The following MYO1F variants were observed in gnomAD, a reference collection of about 807,000 sequenced individuals.
MYO1F encodes the protein unconventional myosin-If.
MYO1F carries 60 observed loss-of-function variants against 146.6 expected under a neutral mutation model. That is an observed-to-expected ratio of 0.41 (90% CI 0.33 to 0.51). The LOEUF is 0.51. Ranked by LOEUF, MYO1F falls within the 20% of genes least tolerant of loss-of-function variation. The pLI, the probability that MYO1F is intolerant of heterozygous loss-of-function variation, is 0.25. For synonymous variants in MYO1F, 602 were observed against 602.1 expected (o/e 1.00, Z 0.00); for missense variants, 1,274 against 1,534.3 (o/e 0.83, Z 2.83).
At chr19:8,527,864 T>A (rs1327714096) in intron 21 of MYO1F, among the ~76,000 whole-genome samples, 1 of 152,124 alleles carries the variant, frequency 6.6e-6, no homozygotes, top group Non-Finnish European at 1.5e-5. Context: ...CTGTCCTCCT[T>A]GGCCTCCCAA....
chr19:8,540,913 T>G (rs1287901053), intron 15 of MYO1F, among the ~76,000 whole-genome samples: 1 of 152,064 alleles, frequency 6.6e-6, no homozygotes, highest in Non-Finnish European at 1.5e-5. Context: ...GTTCTAAACC[T>G]GATTGTTCAG....
chr19:8,547,997 A>G, intron 12 of MYO1F, 39 bp downstream of exon 12: 1 of 478,526 alleles, frequency 2.1e-6, no homozygotes, highest in Non-Finnish European at 3.6e-6. Flanking sequence ...CCCCACCCCC[A>G]CCCCAGGATC....
At chr19:8,571,754 C>T (rs1266489857) in intron 1 of MYO1F, among the ~76,000 whole-genome samples, 2 of 152,088 alleles carry the variant, frequency 1.3e-5, no homozygotes, top group African/African-American at 2.4e-5. Flanking sequence ...CCCGCCACCA[C>T]GCCTGGGTAA....
rs1183292416 is a variant in MYO1F, at chr19:8,574,530, CCTTTCTTT to C, written c.3+2769_3+2776del. On this transcript the variant is annotated intron_variant, in intron 1 of 27. Coordinates refer to ENST00000644032, the MANE Select transcript of MYO1F (RefSeq NM_012335.4). ...CTTTTCCTTTATTTCTTCTTTTTTC[CCTTTCTTT>C]CTTTCTTTCTTTCTTTCTTTCTTTC... Among the ~76,000 whole-genome samples, 29 of 119,100 alleles carry C rather than the reference CCTTTCTTT, an allele frequency of 2.4e-4. 1 individual carries two copies. Among genetic ancestry groups the C allele is most frequent in the African/African-American group, 5.5e-4 (17 of 30,802 alleles). 78.1% of individuals were successfully genotyped at this position (119,100 alleles called of 152,430 possible). A position where few individuals can be genotyped will look rare whatever the true frequency, so the allele number is the denominator to read the frequency against.
At chr19:8,546,827 C>A (rs1298132450) in intron 12 of MYO1F, among the ~76,000 whole-genome samples, 1 of 152,020 alleles carries the variant, frequency 6.6e-6, no homozygotes, top group African/African-American at 2.4e-5. Flanking sequence ...TACAGGTGCC[C>A]AGCACCACAC....
rs771174643 is a variant in MYO1F at position 8,554,717 on chromosome 19, A to G, written c.168T>C (p.Ser56=). The change falls in exon 3 of 28, where the codon TCT becomes TCC. Residue 56 remains serine, a synonymous_variant. Transcript: ENST00000644032. ...IFTYIGSVLI[S]VNPFKQMPYF... ...AGGGCATCTGCTTGAAGGGGTTTAC[A>G]GAGATGAGCACAGAGCCGATGTAGG... 5.6e-6 allele frequency: 9 copies of G among 1,613,960 alleles called. No individual in the cohort carries two copies. In the East Asian group the frequency reaches 1.6e-4, roughly 28 times the overall value.
In MYO1F at chr19:8,530,647, C is replaced by T. The variant is rs550394570; in HGVS notation, c.2044-74G>A. The T allele has an allele frequency of 9.8e-4, 1,168 of 1,190,102 alleles. 1 individual carries two copies. The highest frequency in any genetic ancestry group is 1.8e-3 in the Admixed American group (108 of 59,118). The allele number at this position is 1,190,102 out of a possible 1,614,324, so 73.7% of individuals were successfully genotyped here. The stretch of plus-strand genomic sequence containing the variant: ...GGGCTGCAGTTCCGGGTTTTCCCTG[C>T]GCTCACCCTACTCACACGCTTTTGC... On this transcript the variant is annotated intron_variant, in intron 19 of 27. Coordinates refer to ENST00000644032, the MANE Select transcript of MYO1F (RefSeq NM_012335.4). The surrounding 1 kb of genome is among the most constrained non-coding windows in gnomAD (Gnocchi z 5.8).
Position 8,575,326 on chromosome 19 carries a change from C to T in MYO1F, c.3+1981G>A, listed in dbSNP as rs552727051. On this transcript the variant is annotated intron_variant, in intron 1 of 27. Transcript: ENST00000644032. ...TCTTGACTTCGTGATCTGCCCGCCT[C>T]GGCCTCCCAAAGTGCTAGGATTACA... 7.2e-5 allele frequency among the ~76,000 whole-genome samples: 11 copies of T among 152,132 alleles called. No homozygotes were observed. In the East Asian group the frequency reaches 1.4e-3, roughly 19 times the overall value.
In MYO1F at chr19:8,574,637, CTTT is replaced by C. The variant is rs2042194496; in HGVS notation, c.3+2667_3+2669del. 5.8e-4 allele frequency among the ~76,000 whole-genome samples: 26 copies of C among 44,668 alleles called. No individual in the cohort carries two copies. The South Asian group carries it at 8.3e-3, about 14-fold the overall frequency. The allele number at this position is 44,668 out of a possible 152,430, so 29.3% of individuals were successfully genotyped here. ...TCTTTCTTTCTTTCTTTCTTTCTTTCTTTCTTTCCTTTCTTTCTCTTTCTTCTT... is the reference window on the plus strand; with the variant it reads ...TCTTTCTTTCTTTCTTTCTTTCTTTCCTTTCCTTTCTTTCTCTTTCTTCTT... On this transcript the variant is annotated intron_variant, in intron 1 of 27. Transcript: ENST00000644032.
At chr19:8,522,091 C>CGGT (rs1972081098) in intron 27 of MYO1F, among the ~76,000 whole-genome samples, 1 of 150,282 alleles carries the variant, frequency 6.7e-6, no homozygotes, top group Non-Finnish European at 1.5e-5. Flanking sequence ...GGCGCAATCT[C>CGGT]GGCTCACTGC....
chr19:8,560,933 T>C (rs1974071726), intron 1 of MYO1F, among the ~76,000 whole-genome samples: 1 of 151,930 alleles, frequency 6.6e-6, no homozygotes, highest in South Asian at 2.1e-4. Flanking sequence ...GAGACGGGGT[T>C]TCACTGTATT....
chr19:8,541,423 GTGTT>G (rs1972961695), intron 15 of MYO1F, among the ~76,000 whole-genome samples: 2 of 123,216 alleles, frequency 1.6e-5, no homozygotes, highest in African/African-American at 3.4e-5. Flanking sequence ...GTGTGTGTGT[GTGTT>G]TTTTTTTTTT....
At chr19:8,536,162 CCTCT>C in intron 19 of MYO1F, 86 bp downstream of exon 19, 2 of 1,436,568 alleles carry the variant, frequency 1.4e-6, no homozygotes, top group Non-Finnish European at 1.9e-6. Context: ...TCTCTGTCTC[CCTCT>C]GTCTCTCTCT....
chr19:8,548,163 T>G (rs757673536), intron 11 of MYO1F, 41 bp from the exon 12 acceptor site: 1 of 1,613,462 alleles, frequency 6.2e-7, no homozygotes, highest in Admixed American at 1.7e-5. Context: ...AATGTCCTGG[T>G]GCTGGAAGTT....
rs375477482 is a variant in MYO1F at position 8,550,320 on chromosome 19, C to A, written c.941G>T (p.Ser314Ile). The A allele has an allele frequency of 3.7e-6, 6 of 1,613,762 alleles. No individual in the cohort carries two copies. The highest frequency in any genetic ancestry group is 4.2e-6 in the Non-Finnish European group (5 of 1,179,882). ...GGTCAGCTTCTCCTGCAGTCGCCCG[C>A]TGTCAATGCCCAGCAGGTAGGCGGG... ...AFPAYLLGID[S>I]GRLQEKLTSR... The change falls in exon 10 of 28, where the codon AGC (serine) becomes ATC (isoleucine). Residue 314 changes from serine to isoleucine, a missense_variant. Around this residue, in one of 2 missense-constraint regions of MYO1F, gnomAD observed 900 missense variants for 1,155.1 expected, o/e 0.78. Coordinates refer to ENST00000644032, the MANE Select transcript of MYO1F (RefSeq NM_012335.4).
In MYO1F at chr19:8,521,602, G is replaced by C. The variant is rs764738737; in HGVS notation, c.3223C>G (p.Pro1075Ala). The change falls in exon 28 of 28, where the codon CCC (proline) becomes GCC (alanine). Residue 1075 changes from proline to alanine, a missense_variant and splice_region_variant. Coordinates refer to ENST00000644032, the MANE Select transcript of MYO1F (RefSeq NM_012335.4). ...NEVIEILMED[P>A]SGWWKGRLHG... is the part of the protein sequence containing the mutation. ...AGCCGGCCCTTCCACCAGCCCGAGG[G>C]ATCTGTGGGAGAGAGGAAAGCTTGA... 2.5e-5 allele frequency: 40 copies of C among 1,613,916 alleles called. No individual in the cohort carries two copies. In the South Asian group the frequency reaches 4.2e-4, roughly 17 times the overall value.
intron 21 of MYO1F, among the ~76,000 whole-genome samples, chr19:8,528,678 C>G (rs922712020): frequency 6.6e-6 from 1 of 152,190 alleles, no homozygotes; most frequent in Admixed American, 6.5e-5. Flanking sequence ...AGGTAAGGCA[C>G]CTGCTGGACA....
chr19:8,544,073 C>T, intron 14 of MYO1F: 1 of 441,820 alleles, frequency 2.3e-6, no homozygotes, highest in Non-Finnish European at 4.0e-6. Flanking sequence ...TGGTGGTGTC[C>T]AGACAAGTTT....
intron 21 of MYO1F, among the ~76,000 whole-genome samples, chr19:8,527,820 C>G (rs1455750411): frequency 6.6e-6 from 1 of 152,186 alleles, no homozygotes; most frequent in East Asian, 1.9e-4. Flanking sequence ...GCCCTGTTGC[C>G]CAGGCTGGTC....
Sources: gnomAD v4.1 joint callset for allele counts (sites outside exome capture counted in the v4.1 genomes callset) on GRCh38, gnomAD v4.1.1 for gene constraint, gnomAD v4.1.1 regional missense constraint, Gnocchi (gnomAD v3.1) non-coding constraint, MANE v1.5 for transcripts, NCBI Gene and HGNC (gene_info 2026-07-23, HGNC 2026-07-21) for gene names.